Variants in CSMD1 observed in about 807,000 individuals in gnomAD.
CSMD1 encodes CUB and Sushi multiple domains 1, also known as CUB and sushi domain-containing protein 1.
CSMD1 carries 213 observed loss-of-function variants against 417.5 expected under a neutral mutation model. That is an observed-to-expected ratio of 0.51 (90% CI 0.46 to 0.57). The LOEUF (loss-of-function observed/expected upper bound fraction) is 0.57, where lower values mean the gene tolerates loss of function less well. CSMD1 is among the 20% of genes least tolerant of loss of function. The pLI is 0.00. For missense variants in CSMD1, 6,923 were observed against 4,529.7 expected, an observed-to-expected ratio of 1.53 and a Z score of -15.17; for synonymous variants, 2,862 against 1,736.8, an observed-to-expected ratio of 1.65 and a Z score of -16.11.
At chr8:4,058,919 A>T (rs1226181789) in intron 3 of CSMD1, among the ~76,000 whole-genome samples, 2 of 152,056 alleles carry the variant, frequency 1.3e-5, no homozygotes, top group Non-Finnish European at 1.5e-5. Flanking sequence ...CAGGAATTGA[A>T]CTCAGCTCTG....
chr8:3,471,949 C>G (rs572521846), intron 11 of CSMD1, among the ~76,000 whole-genome samples: 1 of 152,154 alleles, frequency 6.6e-6, no homozygotes, highest in African/African-American at 2.4e-5. Flanking sequence ...GAGTGTTTTC[C>G]CTTCTCCCTT....
At chr8:4,649,985 A>G (rs147894823) in intron 1 of CSMD1, among the ~76,000 whole-genome samples, 244 of 152,352 alleles carry the variant, frequency 1.6e-3, no homozygotes, top group African/African-American at 5.7e-3. Context: ...TGCCTTGAAC[A>G]TAAGACTGTC....
At chr8:4,248,396 A>G (rs1177438528) in intron 3 of CSMD1, among the ~76,000 whole-genome samples, 1 of 152,220 alleles carries the variant, frequency 6.6e-6, no homozygotes, top group African/African-American at 2.4e-5. Context: ...TGGTGAAACT[A>G]TCATGGCGCT....
At chr8:4,446,324 G>A (rs1417198865) in intron 2 of CSMD1, among the ~76,000 whole-genome samples, 1 of 152,160 alleles carries the variant, frequency 6.6e-6, no homozygotes, top group African/African-American at 2.4e-5. Context: ...AGCATGGGTG[G>A]ATCGCTTGAG....
intron 25 of CSMD1, among the ~76,000 whole-genome samples, chr8:3,293,647 G>T (rs779354931): frequency 1.3e-5 from 2 of 152,064 alleles, no homozygotes; most frequent in East Asian, 1.9e-4. Flanking sequence ...CATTTGTCAC[G>T]TAGTCCTCGT....
chr8:3,276,995 G>A (rs905505), intron 26 of CSMD1, among the ~76,000 whole-genome samples: 84,812 of 151,806 alleles, frequency 0.56, 23,841 homozygotes, highest in African/African-American at 0.6. Flanking sequence ...AAGTGACAAT[G>A]TGATTGTCTT....
intron 3 of CSMD1, among the ~76,000 whole-genome samples, chr8:4,329,700 T>C (rs1168260205): frequency 6.6e-6 from 1 of 152,134 alleles, no homozygotes; most frequent in African/African-American, 2.4e-5. Context: ...ATACCCAGTG[T>C]TGGAGATGAG....
intron 2 of CSMD1, among the ~76,000 whole-genome samples, chr8:4,462,738 AAT>A (rs1003469566): frequency 7.2e-5 from 11 of 152,212 alleles, no homozygotes; most frequent in African/African-American, 2.7e-4. Context: ...TCAAGAAAAA[AAT>A]AGTTTTTCAA....
chr8:4,187,921 A>T (rs1370712317), intron 3 of CSMD1, among the ~76,000 whole-genome samples: 2 of 152,068 alleles, frequency 1.3e-5, no homozygotes, highest in Admixed American at 6.6e-5. Context: ...GTTGTTAATA[A>T]AATACAAAAC....
At chr8:4,725,826 T>C (rs950395327) in intron 1 of CSMD1, among the ~76,000 whole-genome samples, 2 of 152,136 alleles carry the variant, frequency 1.3e-5, no homozygotes, top group Non-Finnish European at 2.9e-5. Flanking sequence ...GAGTGTAATG[T>C]TCACGACGTG....
chr8:3,633,104 T>C (rs1043383085), intron 7 of CSMD1, among the ~76,000 whole-genome samples: 1 of 152,248 alleles, frequency 6.6e-6, no homozygotes. Flanking sequence ...GACGTCATTG[T>C]TTTAACATTT....
chr8:4,737,387 G>T (rs981947874), intron 1 of CSMD1, among the ~76,000 whole-genome samples: 2 of 151,878 alleles, frequency 1.3e-5, no homozygotes, highest in African/African-American at 4.8e-5. Flanking sequence ...ATAACTAATG[G>T]GTACTAGGTT....
At chr8:4,064,573 C>A (rs1361428837) in intron 3 of CSMD1, among the ~76,000 whole-genome samples, 3 of 152,212 alleles carry the variant, frequency 2.0e-5, no homozygotes, top group African/African-American at 7.2e-5. Flanking sequence ...CTCCTACTTC[C>A]ACCCTGTCAT....
chr8:4,184,499 G>C (rs1798553861), intron 3 of CSMD1, among the ~76,000 whole-genome samples: 1 of 152,020 alleles, frequency 6.6e-6, no homozygotes, highest in Non-Finnish European at 1.5e-5. Context: ...AAGAAAATGT[G>C]GCATGTATAC....
intron 5 of CSMD1, among the ~76,000 whole-genome samples, chr8:3,950,892 A>T (rs1811554700): frequency 6.6e-6 from 1 of 152,210 alleles, no homozygotes; most frequent in African/African-American, 2.4e-5. Flanking sequence ...TTCAAAGAAT[A>T]CTTAATAAAA....
intron 1 of CSMD1, among the ~76,000 whole-genome samples, chr8:4,731,469 G>A (rs1222878861): frequency 6.6e-6 from 1 of 152,126 alleles, no homozygotes; most frequent in Non-Finnish European, 1.5e-5. Context: ...GAAACAACTT[G>A]CCTTGGAAAG....
intron 7 of CSMD1, among the ~76,000 whole-genome samples, chr8:3,629,167 G>C (rs1248666056): frequency 6.6e-6 from 1 of 152,122 alleles, no homozygotes; most frequent in East Asian, 1.9e-4. Flanking sequence ...ATGTTCGCAG[G>C]ACGCAGGGGA....
At chr8:4,105,886 C>G (rs993366878) in intron 3 of CSMD1, among the ~76,000 whole-genome samples, 3 of 152,182 alleles carry the variant, frequency 2.0e-5, no homozygotes, top group African/African-American at 4.8e-5. Context: ...GGACACAGCT[C>G]GGCTCTGTGC....
rs369318539 is a variant in CSMD1, at chr8:3,605,113, G to C, written c.1097+11597C>G. The stretch of plus-strand genomic sequence containing the variant: ...AGGTTCAAGTGATTCTCCTGCCTCA[G>C]CCTCCCGAGTAGCTGGGACTACAGG... On this transcript the variant is annotated intron_variant, in intron 8 of 69. Transcript: ENST00000635120. Among the ~76,000 whole-genome samples the C allele has an allele frequency of 4.1e-4, 63 of 152,230 alleles. 1 individual carries two copies. Among genetic ancestry groups the C allele is most frequent in the Admixed American group, 2.8e-3 (43 of 15,298 alleles).
Sources: gnomAD v4.1 joint callset for allele counts (sites outside exome capture counted in the v4.1 genomes callset) on GRCh38, gnomAD v4.1.1 for gene constraint, MANE v1.5 for transcripts, NCBI Gene and HGNC (gene_info 2026-07-23, HGNC 2026-07-21) for gene names.